Variants in PIEZO1 observed in about 807,000 individuals in gnomAD.
The protein encoded by PIEZO1 is piezo-type mechanosensitive ion channel component 1.
PIEZO1 carries 296 observed loss-of-function variants against 297.2 expected under a neutral mutation model. The ratio of observed to expected loss-of-function variants is 1.00; its 90% CI spans 0.91 to 1.10. PIEZO1 has a LOEUF of 1.10. PIEZO1 is among the 50% of genes least tolerant of loss of function. PIEZO1 has a pLI of 0.00. For synonymous variants in PIEZO1, 2,427 were observed against 1,507.5 expected, an observed-to-expected ratio of 1.61 and a Z score of -14.13; for missense variants, 5,018 against 3,455.5, an observed-to-expected ratio of 1.45 and a Z score of -11.34.
chr16:88,722,774 G>T (rs1298636833), intron 34 of PIEZO1, 63 bp downstream of exon 34: 2 of 1,529,920 alleles, frequency 1.3e-6, no homozygotes, highest in African/African-American at 2.7e-5. Context: ...GGACTAGGCT[G>T]TTAAGCAGGC....
At position 88,755,099 on chromosome 16, in the gene PIEZO1, G is replaced by A. The variant is rs952480595; in HGVS notation, c.65-5620C>T. 3.9e-4 allele frequency among the ~76,000 whole-genome samples: 60 copies of A among 152,184 alleles called. 1 individual carries two copies. Among genetic ancestry groups the A allele is most frequent in the Non-Finnish European group, 1.3e-4 (9 of 68,024 alleles). On this transcript the variant is annotated intron_variant, in intron 1 of 50. Transcript: ENST00000301015. ...CCGCCCCCAGTGCAGGCACGGGGCT[G>A]GGTGATCTGTCCCGTACAGTCCTGT...
At position 88,719,862 on chromosome 16, in the gene PIEZO1, C is replaced by T. The variant is rs868476887; in HGVS notation, c.6263G>A (p.Arg2088His). The T allele has an allele frequency of 7.7e-6, 12 of 1,550,400 alleles. No individual in the cohort carries two copies. Among genetic ancestry groups the T allele is most frequent in the South Asian group, 3.6e-5 (3 of 84,070 alleles). Reference sequence around the variant, plus strand: ...CTTGGTGAGGAAGTTGCCGAGGATGCGGGTGGGGTAGCCGCAGCGGATCTG... The same window carrying T: ...CTTGGTGAGGAAGTTGCCGAGGATGTGGGTGGGGTAGCCGCAGCGGATCTG... ...AYQIRCGYPT[R>H]ILGNFLTKKY... Residue 2088 changes from arginine (R) to histidine (H), a missense_variant, in exon 43 of 51, where the codon CGC (arginine) becomes CAC (histidine). By Grantham distance (29) the Arg-to-His change is conservative (BLOSUM62 0). Coordinates refer to ENST00000301015, the MANE Select transcript of PIEZO1 (RefSeq NM_001142864.4).
intron 1 of PIEZO1, among the ~76,000 whole-genome samples, chr16:88,760,751 G>A (rs1040776593): frequency 4.6e-5 from 7 of 152,194 alleles, no homozygotes; most frequent in African/African-American, 1.2e-4. Context: ...GCAGGGGCCC[G>A]AGGGGAGCCA....
At chr16:88,724,373 A>G (rs1904310910) in intron 30 of PIEZO1, among the ~76,000 whole-genome samples, 1 of 152,138 alleles carries the variant, frequency 6.6e-6, no homozygotes, top group South Asian at 2.1e-4. Flanking sequence ...TCTACTAAAA[A>G]TACGAAAATT....
At chr16:88,738,190 G>T (rs1254133221) in intron 7 of PIEZO1, 37 bp downstream of exon 7, 1 of 1,533,674 alleles carries the variant, frequency 6.5e-7, no homozygotes, top group Non-Finnish European at 8.7e-7. Flanking sequence ...GCGGGACCAG[G>T]GTGGCAGGAA....
rs186493886 is a variant in PIEZO1 at position 88,737,940 on chromosome 16, G to A, written c.1014C>T (p.Ser338=). 3.0e-4 allele frequency: 466 copies of A among 1,530,096 alleles called. 3 individuals are homozygous for A. In the East Asian group the frequency reaches 7.9e-3, roughly 26 times the overall value. The allele number at this position is 1,530,096 out of a possible 1,614,324, so 94.8% of individuals were successfully genotyped here. Residue 338 remains serine, a synonymous_variant, in exon 8 of 51, where the codon TCC becomes TCT. Coordinates refer to ENST00000301015, the MANE Select transcript of PIEZO1 (RefSeq NM_001142864.4). ...ATGGGTGGCAGGTGCTCACCTGGCC[G>A]GAGGGGCGGTACGCGCGGAGCTTGC... is the stretch of plus-strand genomic sequence containing the variant. ...SLRKLRAYRP[S]GQRKEAAKGY...
rs763058068 is a variant in PIEZO1 at position 88,734,368 on chromosome 16, C to A, written c.2168G>T (p.Arg723Leu). Residue 723 changes from arginine (R) to leucine (L), a missense_variant, in exon 16 of 51, where the codon CGC (arginine) becomes CTC (leucine). Transcript: ENST00000301015. ...HVSLPGTRLP[R>L]WAHRQDAVSG... The stretch of plus-strand genomic sequence containing the variant: ...GGCGGGGCCGCACCTGTGAGCCCAG[C>A]GCGGGAGGCGCGTGCCAGGCAGGGA... The A allele has an allele frequency of 3.9e-6, 6 of 1,536,548 alleles. No individual in the cohort carries two copies. The highest frequency in any genetic ancestry group is 1.8e-4 in the Middle Eastern group (1 of 5,486).
chr16:88,724,277 T>G (rs1205092247), intron 30 of PIEZO1, among the ~76,000 whole-genome samples: 1 of 152,202 alleles, frequency 6.6e-6, no homozygotes, highest in African/African-American at 2.4e-5. Flanking sequence ...ACGCCTGTAA[T>G]CCCAGCACTG....
chr16:88,780,944 G>A (rs760638465), intron 1 of PIEZO1, among the ~76,000 whole-genome samples: 19 of 152,338 alleles, frequency 1.2e-4, no homozygotes, highest in Admixed American at 2.0e-4. Flanking sequence ...GCGACAGAGT[G>A]AGCCTCTGTC....
chr16:88,763,955 G>T (rs990049394), intron 1 of PIEZO1, among the ~76,000 whole-genome samples: 1 of 152,162 alleles, frequency 6.6e-6, no homozygotes, highest in East Asian at 1.9e-4. Context: ...CACGCAGGGG[G>T]TCAGGTGTGG....
rs1047199211 is a variant in PIEZO1, at chr16:88,722,073, G to A, written c.4956-7C>T. 9 of 1,541,974 alleles carry A rather than the reference G, an allele frequency of 5.8e-6. No homozygotes were observed. The East Asian group carries it at 2.2e-4, about 38-fold the overall frequency. ...CTCTGGGATGCGCAGGCGCCTACAGGGAGACCCGCGTGTTTGGGGGAGTCT... is the reference window on the plus strand; with the variant it reads ...CTCTGGGATGCGCAGGCGCCTACAGAGAGACCCGCGTGTTTGGGGGAGTCT... On this transcript the variant is annotated splice_region_variant and splice_polypyrimidine_tract_variant and intron_variant, in intron 36 of 50. Coordinates refer to ENST00000301015, the MANE Select transcript of PIEZO1 (RefSeq NM_001142864.4).
In PIEZO1 at chr16:88,736,347, A is replaced by G; in HGVS notation, c.1358T>C (p.Ile453Thr). ...TFVLLLWACL[I>T]WTVRSRHQLA... ...TTGGTGGCGGCTGCGCACCGTCCAG[A>G]TGAGGCAGGCCCAGAGCAGCAGTAC... Residue 453 changes from isoleucine (I) to threonine (T), a missense_variant, in exon 12 of 51, where the codon ATC (isoleucine) becomes ACC (threonine). Coordinates refer to ENST00000301015, the MANE Select transcript of PIEZO1 (RefSeq NM_001142864.4). 1.9e-6 allele frequency: 3 copies of G among 1,550,092 alleles called. No homozygotes were observed. Among genetic ancestry groups the G allele is most frequent in the Non-Finnish European group, 2.6e-6 (3 of 1,146,838 alleles).
At chr16:88,752,848 G>A (rs926777011) in intron 1 of PIEZO1, among the ~76,000 whole-genome samples, 5 of 151,714 alleles carry the variant, frequency 3.3e-5, no homozygotes, top group Admixed American at 6.6e-5. Context: ...TCAGCAACAC[G>A]CCCCCCAGAG....
At position 88,725,506 on chromosome 16, in the gene PIEZO1, G is replaced by C. The variant is rs756872431; in HGVS notation, c.4072C>G (p.Arg1358Gly). 5 of 1,530,684 alleles carry C rather than the reference G, an allele frequency of 3.3e-6. No homozygotes were observed. The highest frequency in any genetic ancestry group is 2.6e-6 in the Non-Finnish European group (3 of 1,135,118). The allele number at this position is 1,530,684 out of a possible 1,614,324, so 94.8% of individuals were successfully genotyped here. ...AQLKRQMERI[R>G]AKQEKHRQGR... The stretch of plus-strand genomic sequence containing the variant: ...TGCCTGTGCTTCTCCTGCTTGGCAC[G>C]GATACGCTCCATCCTGTGGTGGGGA... Residue 1358 changes from arginine to glycine, a missense_variant, in exon 29 of 51, where the codon CGT (arginine) becomes GGT (glycine). Transcript: ENST00000301015.
chr16:88,749,572 G>T, intron 1 of PIEZO1, 93 bp from the exon 2 acceptor site: 1 of 966,944 alleles, frequency 1.0e-6, no homozygotes, highest in Non-Finnish European at 1.5e-6. Flanking sequence ...TCGTCACACC[G>T]CCGAGGCCGT....
chr16:88,720,682 C>A lies in PIEZO1; in HGVS notation c.5735G>T (p.Arg1912Met). ...EKEAPTGREK[R>M]PSRSGGRVRA... ...TACTCTTCCTCCAGAGCGGCTTGGCCTCTTCTCTCTCCCCGTGGGGGCCTC... is the reference window on the plus strand; with the variant it reads ...TACTCTTCCTCCAGAGCGGCTTGGCATCTTCTCTCTCCCCGTGGGGGCCTC... The change falls in exon 40 of 51, where the codon AGG becomes ATG. Residue 1912 changes from arginine to methionine, a missense_variant. By Grantham distance (91) the Arg-to-Met change is moderately conservative (BLOSUM62 -1). Transcript: ENST00000301015. 6.5e-7 allele frequency: 1 copy of A among 1,544,584 alleles called. No homozygotes were observed. Among genetic ancestry groups the A allele is most frequent in the Non-Finnish European group, 8.7e-7 (1 of 1,144,216 alleles).
intron 1 of PIEZO1, among the ~76,000 whole-genome samples, chr16:88,767,808 C>T (rs1048577809): frequency 4.6e-5 from 7 of 152,096 alleles, no homozygotes; most frequent in African/African-American, 1.4e-4. Flanking sequence ...CCTACAGCCC[C>T]GAGTCAGGAC....
At position 88,721,277 on chromosome 16, in the gene PIEZO1, C is replaced by G. The variant is rs367636785; in HGVS notation, c.5557G>C (p.Gly1853Arg). 3.2e-6 allele frequency: 5 copies of G among 1,544,288 alleles called. No individual in the cohort carries two copies. In the South Asian group the frequency reaches 5.9e-5, roughly 18 times the overall value. ...QVEARVGPTD[G>R]TPEPQVELRP... Reference sequence around the variant, plus strand: ...AGCTCCACTTGGGGTTCTGGGGTCCCGTCCGTGGGTCCGACCCTGGCTTCC... The same window carrying G: ...AGCTCCACTTGGGGTTCTGGGGTCCGGTCCGTGGGTCCGACCCTGGCTTCC... Residue 1853 changes from glycine to arginine, a missense_variant, in exon 39 of 51, where the codon GGG (glycine) becomes CGG (arginine). Transcript: ENST00000301015.
intron 1 of PIEZO1, among the ~76,000 whole-genome samples, chr16:88,772,417 G>A (rs967660709): frequency 2.0e-5 from 3 of 152,142 alleles, no homozygotes; most frequent in Admixed American, 2.0e-4. Flanking sequence ...CTGGAGCTGA[G>A]GGCCCTGGGA....
Sources: gnomAD v4.1 joint callset for allele counts (sites outside exome capture counted in the v4.1 genomes callset) on GRCh38, gnomAD v4.1.1 for gene constraint, MANE v1.5 for transcripts, NCBI Gene and HGNC (gene_info 2026-07-23, HGNC 2026-07-21) for gene names.